SS18: variants seen among roughly 807,000 people sequenced by gnomAD.
SS18 encodes SS18 subunit of BAF chromatin remodeling complex.
In SS18, 28 loss-of-function variants were observed where a neutral mutation model predicts 72.5. The ratio of observed to expected loss-of-function variants is 0.39; its 90% CI spans 0.29 to 0.53. The LOEUF (loss-of-function observed/expected upper bound fraction) is 0.53. Ranked by LOEUF, SS18 falls within the 20% of genes least tolerant of loss-of-function variation. The pLI is 0.76. For synonymous variants in SS18, 172 were observed against 164.2 expected, an observed-to-expected ratio of 1.05 and a Z score of -0.37; for missense variants, 518 against 535.3, an observed-to-expected ratio of 0.97 and a Z score of 0.32.
intron 10 of SS18, among the ~76,000 whole-genome samples, chr18:26,021,533 T>TA (rs1186475510): frequency 6.6e-6 from 1 of 152,000 alleles, no homozygotes; most frequent in Non-Finnish European, 1.5e-5. Context: ...CTTCAATTTT[T>TA]AAAAAAAATT....
chr18:26,046,191 CAAAAA>C (rs760639087), intron 5 of SS18, among the ~76,000 whole-genome samples: 2 of 45,068 alleles, frequency 4.4e-5, no homozygotes, highest in African/African-American at 1.1e-4. Context: ...GACTCCGTCT[CAAAAA>C]AAAAAAAAAA....
intron 3 of SS18, among the ~76,000 whole-genome samples, chr18:26,067,903 T>C (rs1263228855): frequency 1.3e-5 from 2 of 152,118 alleles, no homozygotes; most frequent in East Asian, 3.9e-4. Context: ...AGGGATGATT[T>C]CGGGATAAAA....
intron 9 of SS18, 125 bp downstream of exon 9, chr18:26,034,880 A>C: frequency 8.1e-7 from 1 of 1,231,064 alleles, no homozygotes; most frequent in Non-Finnish European, 1.1e-6. Context: ...TTAACAGTAG[A>C]CTAGTCTAAA....
intron 3 of SS18, among the ~76,000 whole-genome samples, chr18:26,074,281 C>T (rs1317382184): frequency 6.7e-6 from 1 of 148,378 alleles, no homozygotes; most frequent in Non-Finnish European, 1.5e-5. Flanking sequence ...TGTAATGATA[C>T]AATTTAAGAT....
At chr18:26,081,614 T>TA (rs1399480762) in intron 2 of SS18, among the ~76,000 whole-genome samples, 82 of 152,278 alleles carry the variant, frequency 5.4e-4, no homozygotes, top group African/African-American at 1.9e-3. Context: ...GCAAATACTC[T>TA]AGGAGAATCT....
In SS18 at chr18:26,023,061, A is replaced by T. The variant is rs192772630; in HGVS notation, c.1231-4681T>A. Among the ~76,000 whole-genome samples the T allele has an allele frequency of 2.0e-3, 302 of 152,322 alleles. 1 individual carries two copies. The highest frequency in any genetic ancestry group is 7.1e-3 in the African/African-American group (296 of 41,584). ...AAACTGTTTGTAACTTATTAAACTG[A>T]ATCCCAAAGCAAAGCTTAAGAATAT... is the stretch of plus-strand genomic sequence containing the variant. On this transcript the variant is annotated intron_variant, in intron 10 of 10. Coordinates refer to ENST00000415083, the MANE Select transcript of SS18 (RefSeq NM_001007559.3).
intron 10 of SS18, chr18:26,023,644 G>A (rs2053392168): frequency 1.9e-6 from 1 of 527,608 alleles, no homozygotes; most frequent in East Asian, 4.0e-5. Flanking sequence ...TATACCCAGA[G>A]AAAATATCTT....
At position 26,058,750 on chromosome 18, in the gene SS18, G is replaced by A. The variant is rs567051795; in HGVS notation, c.232-1008C>T. Among the ~76,000 whole-genome samples the A allele has an allele frequency of 4.3e-4, 66 of 152,172 alleles. No homozygotes were observed. In the South Asian group the frequency reaches 0.013, roughly 31 times the overall value. On this transcript the variant is annotated intron_variant, in intron 3 of 10. Coordinates refer to ENST00000415083, the MANE Select transcript of SS18 (RefSeq NM_001007559.3). ...AGAAATAAACAAGTCTACTCTAATA[G>A]CACACATTTTAAAATCAGAATTTTA...
intron 3 of SS18, among the ~76,000 whole-genome samples, chr18:26,071,961 G>A (rs2054317565): frequency 6.6e-6 from 1 of 151,694 alleles, no homozygotes; most frequent in Non-Finnish European, 1.5e-5. Context: ...TTCTTTAGGA[G>A]GTGAAAAAAA....
chr18:26,045,204 T>G (rs920112123), intron 5 of SS18, among the ~76,000 whole-genome samples: 16 of 152,232 alleles, frequency 1.1e-4, no homozygotes, highest in African/African-American at 3.9e-4. Context: ...CAAAGGCATT[T>G]TTTGAAAACC....
chr18:26,049,068 T>C (rs1435704893), intron 5 of SS18, among the ~76,000 whole-genome samples: 3 of 152,198 alleles, frequency 2.0e-5, no homozygotes, highest in African/African-American at 7.2e-5. Flanking sequence ...ATTACACACA[T>C]GGAACTTACA....
intron 3 of SS18, among the ~76,000 whole-genome samples, chr18:26,060,568 A>C (rs2054100944): frequency 6.6e-6 from 1 of 151,898 alleles, no homozygotes; most frequent in Non-Finnish European, 1.5e-5. Flanking sequence ...TCTCAATTAA[A>C]AAAAGAATGG....
intron 1 of SS18, among the ~76,000 whole-genome samples, chr18:26,088,671 C>A (rs1192356041): frequency 6.6e-6 from 1 of 152,098 alleles, no homozygotes; most frequent in Non-Finnish European, 1.5e-5. Context: ...CCAGTTTTGC[C>A]ATTTTGAGCA....
intron 5 of SS18, among the ~76,000 whole-genome samples, chr18:26,044,389 T>C (rs1489503110): frequency 2.0e-5 from 3 of 150,278 alleles, no homozygotes; most frequent in African/African-American, 4.9e-5. Context: ...CATGGTACAA[T>C]CTCGGCTGAC....
chr18:26,024,037 C>A (rs897679334), intron 10 of SS18, among the ~76,000 whole-genome samples: 5 of 152,032 alleles, frequency 3.3e-5, no homozygotes, highest in Non-Finnish European at 1.5e-5. Context: ...ACACGCTACA[C>A]AGACGAACCT....
chr18:26,053,119 G>T (rs538726703), intron 4 of SS18, among the ~76,000 whole-genome samples: 10 of 152,262 alleles, frequency 6.6e-5, no homozygotes, highest in Non-Finnish European at 1.5e-5. Context: ...ATATCATAAG[G>T]TTGGAGTAAT....
At chr18:26,047,272 A>G (rs2053840988) in intron 5 of SS18, among the ~76,000 whole-genome samples, 1 of 150,582 alleles carries the variant, frequency 6.6e-6, no homozygotes, top group Non-Finnish European at 1.5e-5. Flanking sequence ...AAAAAAAAAA[A>G]AAAAAAAAAA....
At chr18:26,060,488 T>G (rs918674478) in intron 3 of SS18, among the ~76,000 whole-genome samples, 2 of 152,088 alleles carry the variant, frequency 1.3e-5, no homozygotes, top group African/African-American at 4.8e-5. Context: ...TACATAATTG[T>G]GAATATACTA....
intron 3 of SS18, chr18:26,064,797 T>G (rs2054183439): frequency 6.6e-6 from 1 of 151,862 alleles, no homozygotes; most frequent in South Asian, 2.1e-4. Context: ...AAAGAAATAA[T>G]GATTTAAAAA....
Sources: allele counts gnomAD v4.1 joint callset (sites outside exome capture counted in the v4.1 genomes callset), GRCh38; gene constraint gnomAD v4.1.1; transcripts MANE v1.5; gene names NCBI Gene and HGNC (gene_info 2026-07-23, HGNC 2026-07-21).